Variants in MGAT4C observed in about 807,000 individuals in gnomAD.
MGAT4C encodes alpha-1,3-mannosyl-glycoprotein 4-beta-N-acetylglucosaminyltransferase C.
In MGAT4C, 19 loss-of-function variants were observed where a neutral mutation model predicts 40.1. That is an observed-to-expected ratio of 0.47 (90% CI 0.33 to 0.70). MGAT4C has a LOEUF of 0.70. Among genes scored for constraint, MGAT4C ranks in the 30% least tolerant of loss-of-function variants. The probability of loss-of-function intolerance (pLI) is 0.02; values close to 1 mark genes in which losing one functional copy is unlikely to be tolerated. For synonymous variants in MGAT4C, 181 were observed against 187.1 expected (o/e 0.97, Z 0.27); for missense variants, 491 against 563.2 (o/e 0.87, Z 1.30).
intron 2 of MGAT4C, among the ~76,000 whole-genome samples, chr12:86,591,005 T>C (rs1180109741): frequency 2.0e-5 from 3 of 151,980 alleles, no homozygotes; most frequent in African/African-American, 7.2e-5. Context: ...ATCTATTTCT[T>C]GGGAGTATAT....
chr12:86,688,416 A>C (rs184477766), intron 2 of MGAT4C, among the ~76,000 whole-genome samples: 1 of 152,066 alleles, frequency 6.6e-6, no homozygotes, highest in Non-Finnish European at 1.5e-5. Flanking sequence ...TTTGCACATT[A>C]GTTGATGTAG....
At chr12:86,372,365 G>A (rs1955735182) in intron 3 of MGAT4C, among the ~76,000 whole-genome samples, 1 of 151,626 alleles carries the variant, frequency 6.6e-6, no homozygotes, top group African/African-American at 2.4e-5. Flanking sequence ...TCTATAATAT[G>A]TCTCCTATTT....
chr12:86,339,696 T>C (rs986823323), intron 3 of MGAT4C, among the ~76,000 whole-genome samples: 1 of 152,022 alleles, frequency 6.6e-6, no homozygotes, highest in East Asian at 1.9e-4. Context: ...GCCTCTCTGA[T>C]TAATATTCTA....
At chr12:86,626,038 T>A (rs1368946979) in intron 2 of MGAT4C, among the ~76,000 whole-genome samples, 1 of 151,996 alleles carries the variant, frequency 6.6e-6, no homozygotes, top group Non-Finnish European at 1.5e-5. Flanking sequence ...AACAAAAGGA[T>A]GAAAAGGATG....
At chr12:86,818,891 G>T (rs1238283527) in intron 1 of MGAT4C, among the ~76,000 whole-genome samples, 1 of 150,980 alleles carries the variant, frequency 6.6e-6, no homozygotes, top group Admixed American at 6.6e-5. Flanking sequence ...ATAATTATAT[G>T]AATGGTAAAT....
chr12:86,022,090 T>C (rs1188720327), intron 2 of MGAT4C, among the ~76,000 whole-genome samples: 1 of 152,234 alleles, frequency 6.6e-6, no homozygotes, highest in African/African-American at 2.4e-5. Context: ...ATCATTACCA[T>C]TCATTTATTA....
intron 2 of MGAT4C, among the ~76,000 whole-genome samples, chr12:86,679,361 C>A (rs1314944975): frequency 1.3e-5 from 2 of 152,090 alleles, no homozygotes; most frequent in East Asian, 3.9e-4. Flanking sequence ...AAGATACAGA[C>A]CAGATCATAG....
In MGAT4C at chr12:86,758,375, C is replaced by CT. The variant is rs55666476; in HGVS notation, c.-261-31135dup. ...GGGAACATATTTTTATGTCCGAATCCTTTTTTTTTTTTTTTAAAAAAAAGA... is the reference window on the plus strand; with the variant it reads ...GGGAACATATTTTTATGTCCGAATCCTTTTTTTTTTTTTTTTAAAAAAAAGA... On this transcript the variant is annotated intron_variant, in intron 1 of 7. Transcript: ENST00000548651. 1.7e-3 allele frequency among the ~76,000 whole-genome samples: 203 copies of CT among 122,552 alleles called. 1 individual carries two copies. Among genetic ancestry groups the CT allele is most frequent in the African/African-American group, 5.3e-3 (156 of 29,420 alleles). The allele number at this position is 122,552 out of a possible 152,430, so 80.4% of individuals were successfully genotyped here. A position where few individuals can be genotyped will look rare whatever the true frequency, so the allele number is the denominator to read the frequency against.
At chr12:85,987,056 G>C (rs1347226702) in intron 3 of MGAT4C, among the ~76,000 whole-genome samples, 1 of 149,244 alleles carries the variant, frequency 6.7e-6, no homozygotes, top group African/African-American at 2.5e-5. Context: ...ATGAGTGTTG[G>C]AATTTAGCAA....
chr12:86,828,813 T>G (rs983950174), intron 1 of MGAT4C, among the ~76,000 whole-genome samples: 3 of 151,288 alleles, frequency 2.0e-5, no homozygotes, highest in East Asian at 1.9e-4. Flanking sequence ...AAAGCAAAGA[T>G]AGAGAGAAAA....
chr12:86,774,281 C>CTCTTTCTTTTTCTTTCTT (rs1951692960), intron 1 of MGAT4C, among the ~76,000 whole-genome samples: 2 of 58,934 alleles, frequency 3.4e-5, no homozygotes, highest in Non-Finnish European at 6.9e-5. Context: ...CTAAGGCTTG[C>CTCTTTCTTTTTCTTTCTT]TCTTTCTTTC....
rs17014109 is a variant in MGAT4C, at chr12:86,681,552, C to G, written c.-229+45657G>C. Among the ~76,000 whole-genome samples, 2,672 of 151,658 alleles carry G rather than the reference C, an allele frequency of 0.018. 144 individuals are homozygous for G. In the East Asian group the frequency reaches 0.19, roughly 11 times the overall value. On this transcript the variant is annotated intron_variant, in intron 2 of 7. Coordinates refer to the MGAT4C transcript ENST00000548651. Reference sequence around the variant, plus strand: ...CAAGCAGTTTTATAGTTATTGAGTACTATGCTAGTTGCTTAGAGCAAAAAG... The same window carrying G: ...CAAGCAGTTTTATAGTTATTGAGTAGTATGCTAGTTGCTTAGAGCAAAAAG...
intron 1 of MGAT4C, among the ~76,000 whole-genome samples, chr12:86,064,344 C>A (rs1894299757): frequency 6.6e-6 from 1 of 152,132 alleles, no homozygotes; most frequent in South Asian, 2.1e-4. Flanking sequence ...CACGCCACTG[C>A]ACTCCAGCCT....
At position 86,504,226 on chromosome 12, in the gene MGAT4C, C is replaced by A. The variant is rs113593239; in HGVS notation, c.-228-68961G>T. On this transcript the variant is annotated intron_variant, in intron 2 of 7. Coordinates refer to the MGAT4C transcript ENST00000548651. ...TCATATATTATTGGTATATTTGAAC[C>A]CTGTCATTATCTGCTGGAGCTGAAA... Among the ~76,000 whole-genome samples the A allele has an allele frequency of 3.3e-3, 498 of 152,038 alleles. 1 individual carries two copies. Among genetic ancestry groups the A allele is most frequent in the African/African-American group, 0.012 (481 of 41,490 alleles).
At chr12:86,733,705 G>A (rs978191089) in intron 1 of MGAT4C, among the ~76,000 whole-genome samples, 3 of 151,958 alleles carry the variant, frequency 2.0e-5, no homozygotes, top group African/African-American at 7.2e-5. Context: ...GAACTTTCCA[G>A]AAGTTAAACC....
At chr12:86,398,686 G>A (rs537949879) in intron 3 of MGAT4C, among the ~76,000 whole-genome samples, 1 of 151,734 alleles carries the variant, frequency 6.6e-6, no homozygotes, top group African/African-American at 2.4e-5. Flanking sequence ...TCTCCTGCCC[G>A]TCTTTTACTT....
intron 1 of MGAT4C, among the ~76,000 whole-genome samples, chr12:86,837,305 T>C (rs1324153087): frequency 1.3e-5 from 2 of 152,224 alleles, no homozygotes; most frequent in Admixed American, 6.5e-5. Flanking sequence ...TTATACTCTT[T>C]TCTCTTTTCC....
chr12:86,070,970 T>C (rs1256184452), intron 1 of MGAT4C, among the ~76,000 whole-genome samples: 1 of 152,052 alleles, frequency 6.6e-6, no homozygotes, highest in Non-Finnish European at 1.5e-5. Context: ...AGAAGATTGT[T>C]CCTTATTCTA....
At chr12:86,487,992 T>C (rs1328077383) in intron 2 of MGAT4C, among the ~76,000 whole-genome samples, 3 of 152,184 alleles carry the variant, frequency 2.0e-5, no homozygotes, top group Admixed American at 1.3e-4. Flanking sequence ...ATTGAAACTA[T>C]AAGAGCGTTT....
Sources: allele counts gnomAD v4.1 joint callset (sites outside exome capture counted in the v4.1 genomes callset), GRCh38; gene constraint gnomAD v4.1.1; transcripts MANE v1.5; gene names NCBI Gene and HGNC (gene_info 2026-07-23, HGNC 2026-07-21).